MMP26: variants seen among roughly 807,000 people sequenced by gnomAD.
The protein encoded by MMP26 is matrix metalloproteinase-26.
In MMP26, 33 loss-of-function variants were observed where a neutral mutation model predicts 31.0. The observed-to-expected ratio is 1.06, with a 90% CI of 0.81 to 1.42. MMP26 has a LOEUF of 1.42. Among genes scored for constraint, MMP26 ranks in the 40% most tolerant of loss-of-function variants. The pLI, the probability that MMP26 is intolerant of heterozygous loss-of-function variation, is 0.00. For synonymous variants in MMP26, 122 were observed against 114.9 expected (o/e 1.06, Z -0.40); for missense variants, 347 against 316.1 (o/e 1.10, Z -0.74).
At chr11:4,845,061 T>C (rs1849848372) in intron 2 of MMP26, among the ~76,000 whole-genome samples, 1 of 152,100 alleles carries the variant, frequency 6.6e-6, no homozygotes, top group Admixed American at 6.5e-5. Context: ...ATTTGCAGGA[T>C]ACAAAATTAG....
rs1165678838 is a variant in MMP26 at position 4,746,863 on chromosome 11, A to ACG, written c.-216-20406_-216-20405insGC. Among the ~76,000 whole-genome samples the ACG allele has an allele frequency of 2.5e-3, 380 of 151,472 alleles. 2 individuals are homozygous for ACG. The highest frequency in any genetic ancestry group is 8.9e-3 in the African/African-American group (370 of 41,394). On this transcript the variant is annotated intron_variant, in intron 1 of 7. Coordinates refer to ENST00000380390, the MANE Select transcript of MMP26 (RefSeq NM_021801.5). ...CACACACACACACACACACACACAC[A>ACG]CACACACACACACAAAGGCTATACA... is the stretch of plus-strand genomic sequence containing the variant.
chr11:4,766,357 A>T (rs1055909298), intron 1 of MMP26, among the ~76,000 whole-genome samples: 10 of 152,148 alleles, frequency 6.6e-5, no homozygotes, highest in African/African-American at 2.4e-4. Flanking sequence ...AAGCCCAAGG[A>T]TTATAAGGAC....
intron 2 of MMP26, among the ~76,000 whole-genome samples, chr11:4,806,079 C>A (rs938441182): frequency 2.6e-5 from 4 of 152,120 alleles, no homozygotes; most frequent in African/African-American, 9.7e-5. Flanking sequence ...CTTCAAGATC[C>A]CCCAAAGGCC....
chr11:4,901,095 C>T (rs1178892880), intron 2 of MMP26, among the ~76,000 whole-genome samples: 1 of 150,532 alleles, frequency 6.6e-6, no homozygotes, highest in East Asian at 2.0e-4. Context: ...GAAAGTGCAC[C>T]ACATTGCAAT....
intron 2 of MMP26, chr11:4,804,289 G>T: frequency 6.2e-7 from 1 of 1,614,056 alleles, no homozygotes; most frequent in Non-Finnish European, 8.5e-7. Context: ...GAACGGAAAG[G>T]CAATCCACAA....
chr11:4,915,193 A>T (rs761973444), intron 2 of MMP26: 1 of 1,614,070 alleles, frequency 6.2e-7, no homozygotes, highest in Non-Finnish European at 8.5e-7. Flanking sequence ...TGAGTGCTAC[A>T]CTACGACCCA....
intron 2 of MMP26, chr11:4,907,984 T>G (rs755969394): frequency 1.2e-6 from 2 of 1,614,210 alleles, no homozygotes; most frequent in South Asian, 2.2e-5. Flanking sequence ...TTGCTCTCTG[T>G]ACTATGCTGG....
At chr11:4,785,426 T>A (rs1040361077) in intron 2 of MMP26, among the ~76,000 whole-genome samples, 7 of 152,154 alleles carry the variant, frequency 4.6e-5, no homozygotes, top group African/African-American at 1.7e-4. Context: ...TTCCTTTTGA[T>A]ATGTATACTT....
At chr11:4,988,428 C>A in intron 3 of MMP26, 118 bp downstream of exon 3, 1 of 785,714 alleles carries the variant, frequency 1.3e-6, no homozygotes, top group Non-Finnish European at 2.2e-6. Flanking sequence ...TAATATTACA[C>A]ATGAAAACAT....
intron 1 of MMP26, among the ~76,000 whole-genome samples, chr11:4,717,875 C>T (rs1046234531): frequency 6.6e-6 from 1 of 152,092 alleles, no homozygotes; most frequent in Non-Finnish European, 1.5e-5. Flanking sequence ...CTGTAAAAAA[C>T]GTTGACTTGG....
At chr11:4,845,149 C>T (rs1849849774) in intron 2 of MMP26, among the ~76,000 whole-genome samples, 1 of 152,048 alleles carries the variant, frequency 6.6e-6, no homozygotes, top group Non-Finnish European at 1.5e-5. Flanking sequence ...AAAGTAATCT[C>T]ATTTACAATA....
intron 1 of MMP26, among the ~76,000 whole-genome samples, chr11:4,727,107 CA>C (rs1848111169): frequency 6.6e-6 from 1 of 152,024 alleles, no homozygotes; most frequent in Non-Finnish European, 1.5e-5. Flanking sequence ...TGCTTGTCAA[CA>C]TTTTTATCCA....
At chr11:4,926,742 G>C (rs976428153) in intron 2 of MMP26, among the ~76,000 whole-genome samples, 1 of 152,070 alleles carries the variant, frequency 6.6e-6, no homozygotes, top group Non-Finnish European at 1.5e-5. Context: ...ATATGGGTAA[G>C]AGGCAAGTGT....
At chr11:4,908,007 T>C (rs1462079074) in intron 2 of MMP26, 6 of 1,614,220 alleles carry the variant, frequency 3.7e-6, no homozygotes, top group Non-Finnish European at 5.1e-6. Flanking sequence ...TTGGCACTGA[T>C]TGTTTTGTCT....
chr11:4,762,469 C>T (rs1380607729), intron 1 of MMP26, among the ~76,000 whole-genome samples: 2 of 152,090 alleles, frequency 1.3e-5, no homozygotes, highest in African/African-American at 4.8e-5. Flanking sequence ...ATCATCTTTG[C>T]AAGAACCATG....
At chr11:4,916,892 G>A (rs150090126) in intron 2 of MMP26, among the ~76,000 whole-genome samples, 1 of 152,300 alleles carries the variant, frequency 6.6e-6, no homozygotes, top group East Asian at 1.9e-4. Flanking sequence ...GTCATGTCCA[G>A]GAGAGCCCAC....
intron 2 of MMP26, among the ~76,000 whole-genome samples, chr11:4,927,451 A>G (rs764758815): frequency 5.3e-5 from 8 of 152,150 alleles, no homozygotes; most frequent in Non-Finnish European, 1.2e-4. Flanking sequence ...TGACAAAGCT[A>G]GGACTAGAAC....
chr11:4,959,958 G>C (rs1846498090), intron 2 of MMP26, among the ~76,000 whole-genome samples: 1 of 152,022 alleles, frequency 6.6e-6, no homozygotes, highest in Admixed American at 6.6e-5. Context: ...TATGGCTGCT[G>C]TGCTTCTGAG....
Position 4,858,996 on chromosome 11 carries a change from A to T in MMP26, c.-145+91655A>T, listed in dbSNP as rs181871317. Reference sequence around the variant, plus strand: ...AAAAGATTCCCTATTTAATAAATGGAGCTGGGAAAACTGGCTAGCCATATG... The same window carrying T: ...AAAAGATTCCCTATTTAATAAATGGTGCTGGGAAAACTGGCTAGCCATATG... On this transcript the variant is annotated intron_variant, in intron 2 of 7. Coordinates refer to ENST00000380390, the MANE Select transcript of MMP26 (RefSeq NM_021801.5). 4.1e-3 allele frequency among the ~76,000 whole-genome samples: 618 copies of T among 152,200 alleles called. 5 individuals are homozygous for T. Among genetic ancestry groups the T allele is most frequent in the African/African-American group, 0.014 (586 of 41,554 alleles).
Sources: allele counts gnomAD v4.1 joint callset (sites outside exome capture counted in the v4.1 genomes callset), GRCh38; gene constraint gnomAD v4.1.1; transcripts MANE v1.5; gene names NCBI Gene and HGNC (gene_info 2026-07-23, HGNC 2026-07-21).